Variants in TBC1D32 observed in about 807,000 individuals in gnomAD.
The protein encoded by TBC1D32 is protein broad-minded.
A neutral mutation model predicts 170.3 loss-of-function variants in TBC1D32; 151 were observed. The ratio of observed to expected loss-of-function variants is 0.89; its 90% CI spans 0.78 to 1.01. The LOEUF (loss-of-function observed/expected upper bound fraction) is 1.01. TBC1D32 is among the 50% of genes least tolerant of loss of function. The pLI is 0.00. For synonymous variants in TBC1D32, 498 were observed against 488.0 expected (o/e 1.02, Z -0.27); for missense variants, 1,464 against 1,457.1 (o/e 1.00, Z -0.08).
intron 1 of TBC1D32, among the ~76,000 whole-genome samples, chr6:121,322,060 T>C (rs1389077769): frequency 6.6e-6 from 1 of 152,074 alleles, no homozygotes; most frequent in Non-Finnish European, 1.5e-5. Flanking sequence ...AGAAGTCTCT[T>C]TACATTTCTT....
In TBC1D32 at chr6:121,150,549, A is replaced by G. The variant is rs191646773; in HGVS notation, c.2773+9461T>C. 3.9e-5 allele frequency among the ~76,000 whole-genome samples: 6 copies of G among 152,144 alleles called. No individual in the cohort carries two copies. In the East Asian group the frequency reaches 9.6e-4, roughly 24 times the overall value. On this transcript the variant is annotated intron_variant, in intron 24 of 31. Transcript: ENST00000398212. ...GTTGGGGAGGAGTCCTTCTTTTTCT[A>G]TTGATTGGAATAGTTTCAGAAGGAA...
chr6:121,301,179 C>A (rs528563001), intron 9 of TBC1D32, among the ~76,000 whole-genome samples: 10 of 152,240 alleles, frequency 6.6e-5, no homozygotes, highest in African/African-American at 2.4e-4. Context: ...ACCCAGCAAT[C>A]CCATTACCGG....
At chr6:121,099,803 T>C (rs1777811776) in intron 30 of TBC1D32, among the ~76,000 whole-genome samples, 1 of 151,960 alleles carries the variant, frequency 6.6e-6, no homozygotes, top group African/African-American at 2.4e-5. Flanking sequence ...AAGAATAGCA[T>C]TACTGTTTCA....
intron 26 of TBC1D32, among the ~76,000 whole-genome samples, chr6:121,125,487 T>A (rs999575860): frequency 1.3e-5 from 2 of 151,800 alleles, no homozygotes; most frequent in African/African-American, 4.8e-5. Flanking sequence ...TGATAGGCTA[T>A]CTCGTTGGCT....
chr6:121,188,811 C>T (rs1789552976), intron 22 of TBC1D32, among the ~76,000 whole-genome samples: 2 of 152,064 alleles, frequency 1.3e-5, no homozygotes, highest in African/African-American at 4.8e-5. Context: ...GTAGACATCA[C>T]ACAGACCATG....
intron 21 of TBC1D32, among the ~76,000 whole-genome samples, chr6:121,211,245 G>A (rs1223584858): frequency 6.6e-6 from 1 of 152,054 alleles, no homozygotes; most frequent in Non-Finnish European, 1.5e-5. Context: ...AAATGCAAAG[G>A]GCAGGTGAGT....
Position 121,203,830 on chromosome 6 carries a change from A to G in TBC1D32, c.2570+1245T>C, listed in dbSNP as rs1052775740. On this transcript the variant is annotated intron_variant, in intron 22 of 31. Transcript: ENST00000398212. The stretch of plus-strand genomic sequence containing the variant: ...AGTAGCATAGAATGATAACATTTGG[A>G]TATTATGAGAAAGCACATACTATGA... Among the ~76,000 whole-genome samples, 11 of 151,196 alleles carry G rather than the reference A, an allele frequency of 7.3e-5. 1 individual carries two copies. Among genetic ancestry groups the G allele is most frequent in the African/African-American group, 2.7e-4 (11 of 40,600 alleles).
intron 15 of TBC1D32, among the ~76,000 whole-genome samples, chr6:121,262,489 T>C (rs1299776094): frequency 1.3e-5 from 2 of 151,876 alleles, no homozygotes; most frequent in East Asian, 1.9e-4. Flanking sequence ...CTTTTTTTTT[T>C]TTTTTGAGAC....
chr6:121,211,780 G>A (rs1485542151), intron 21 of TBC1D32, among the ~76,000 whole-genome samples: 3 of 152,068 alleles, frequency 2.0e-5, no homozygotes, highest in Non-Finnish European at 2.9e-5. Context: ...CCCCTCACTG[G>A]TTTGGGGAAC....
In TBC1D32 at chr6:121,136,104, A is replaced by T. The variant is rs572001172; in HGVS notation, c.2774-4352T>A. Among the ~76,000 whole-genome samples the T allele has an allele frequency of 6.6e-5, 10 of 152,194 alleles. 1 individual carries two copies. Among genetic ancestry groups the T allele is most frequent in the Admixed American group, 2.6e-4 (4 of 15,272 alleles). ...GATACATCAATTAACAGATTAATAG[A>T]CACAGATTCACAAAAGATTGAAATT... On this transcript the variant is annotated intron_variant, in intron 24 of 31. Transcript: ENST00000398212.
At chr6:121,150,416 T>A (rs922014272) in intron 24 of TBC1D32, among the ~76,000 whole-genome samples, 2 of 152,236 alleles carry the variant, frequency 1.3e-5, no homozygotes, top group Non-Finnish European at 2.9e-5. Context: ...CAGTATTTTA[T>A]TGAGGATTTT....
At chr6:121,238,743 G>A (rs886546963) in intron 20 of TBC1D32, among the ~76,000 whole-genome samples, 2 of 151,658 alleles carry the variant, frequency 1.3e-5, no homozygotes, top group South Asian at 2.1e-4. Flanking sequence ...TCATTGGTTG[G>A]TTGGTTGGTT....
rs755331034 is a variant in TBC1D32 at position 121,148,249 on chromosome 6, TC to T, written c.2773+11760del. Among the ~76,000 whole-genome samples the T allele has an allele frequency of 4.6e-5, 7 of 152,132 alleles. No individual in the cohort carries two copies. In the South Asian group the frequency reaches 1.2e-3, roughly 27 times the overall value. On this transcript the variant is annotated intron_variant, in intron 24 of 31. Coordinates refer to ENST00000398212, the MANE Select transcript of TBC1D32 (RefSeq NM_152730.6). The stretch of plus-strand genomic sequence containing the variant: ...GAACATGCAGTGTTTGGTTTCCTGT[TC>T]CTGTGTTAGTTTGCTGAGAATAATG...
intron 25 of TBC1D32, among the ~76,000 whole-genome samples, 154 bp from the exon 26 acceptor site, chr6:121,126,615 A>G (rs1277705793): frequency 6.6e-6 from 1 of 152,176 alleles, no homozygotes; most frequent in African/African-American, 2.4e-5. Context: ...TTTAGTATTC[A>G]TAACACTGTT....
At chr6:121,223,391 T>C in intron 20 of TBC1D32, 39 bp from the exon 21 acceptor site, 1 of 1,363,958 alleles carries the variant, frequency 7.3e-7, no homozygotes, top group Non-Finnish European at 1.0e-6. Flanking sequence ...TGATTCACTT[T>C]TGTCAACCAC....
At chr6:121,283,758 G>T in intron 13 of TBC1D32, 60 bp downstream of exon 13, 1 of 1,291,946 alleles carries the variant, frequency 7.7e-7, no homozygotes, top group Non-Finnish European at 1.1e-6. Flanking sequence ...CTAGACAATA[G>T]AATACTTAAA....
rs1164657999 is a variant in TBC1D32, at chr6:121,115,204, A to G, written c.3021T>C (p.Ser1007=). Residue 1007 remains serine (S), a synonymous_variant, in exon 27 of 32, where the codon TCT becomes TCC. Coordinates refer to ENST00000398212, the MANE Select transcript of TBC1D32 (RefSeq NM_152730.6). ...TCATTTTAATGCCAAGCTGCTGCAC[A>G]GATGAAAGACTTTCATTCTTCACAT... ...DANVKNESLS[S]VQQLGIKMTV... 2 of 1,602,814 alleles carry G rather than the reference A, an allele frequency of 1.2e-6. No individual in the cohort carries two copies. Among genetic ancestry groups the G allele is most frequent in the African/African-American group, 2.7e-5 (2 of 74,784 alleles).
chr6:121,229,930 T>C (rs1946224845), intron 20 of TBC1D32, among the ~76,000 whole-genome samples: 1 of 151,998 alleles, frequency 6.6e-6, no homozygotes, highest in African/African-American at 2.4e-5. Flanking sequence ...TTTAAATGTG[T>C]TTGGCAGTTC....
At chr6:121,131,324 T>C (rs141373636) in intron 25 of TBC1D32, among the ~76,000 whole-genome samples, 3,215 of 151,178 alleles carry the variant, frequency 0.021, 51 homozygotes, top group African/African-American at 0.045. Context: ...CTAAAAAATA[T>C]AACAATATGT....
Sources: gnomAD v4.1 joint callset for allele counts (sites outside exome capture counted in the v4.1 genomes callset) on GRCh38, gnomAD v4.1.1 for gene constraint, MANE v1.5 for transcripts, NCBI Gene and HGNC (gene_info 2026-07-23, HGNC 2026-07-21) for gene names.